Variants in GREB1L observed in about 807,000 individuals in gnomAD.
GREB1L encodes GREB1 like retinoic acid receptor coactivator, also known as GREB1-like protein.
GREB1L carries 17 observed loss-of-function variants against 200.8 expected under a neutral mutation model. The ratio of observed to expected loss-of-function variants is 0.08; its 90% confidence interval spans 0.06 to 0.13. The LOEUF (loss-of-function observed/expected upper bound fraction) is 0.13. Ranked by LOEUF, GREB1L falls within the 10% of genes least tolerant of loss-of-function variation. The pLI is 1.00. For missense variants in GREB1L, 1,657 were observed against 2,367.7 expected, an observed-to-expected ratio of 0.70 and a Z score of 6.23; for synonymous variants, 789 against 893.0, an observed-to-expected ratio of 0.88 and a Z score of 2.08.
rs566468112 is a variant in GREB1L, at chr18:21,459,797, C to T, written c.2182+5234C>T. On this transcript the variant is annotated intron_variant, in intron 15 of 32. Coordinates refer to ENST00000424526, the MANE Select transcript of GREB1L (RefSeq NM_001142966.3). ...TGACTAAGACACAGGGAACAGGTGCCCAGGAAGAATGTACTGGGAAACTGC... is the reference window on the plus strand; with the variant it reads ...TGACTAAGACACAGGGAACAGGTGCTCAGGAAGAATGTACTGGGAAACTGC... Among the ~76,000 whole-genome samples the T allele has an allele frequency of 2.0e-5, 3 of 152,130 alleles. No homozygotes were observed. The South Asian group carries it at 6.2e-4, about 32-fold the overall frequency.
chr18:21,463,139 T>G (rs1598882312), intron 15 of GREB1L, among the ~76,000 whole-genome samples: 1 of 115,010 alleles, frequency 8.7e-6, no homozygotes, highest in East Asian at 2.6e-4. Context: ...TGGTTCTTTT[T>G]TTTTTTTTTT....
At position 21,249,816 on chromosome 18, in the gene GREB1L, C is replaced by T. The variant is rs1435912301; in HGVS notation, c.-120+7423C>T. Among the ~76,000 whole-genome samples, 5 of 150,670 alleles carry T rather than the reference C, an allele frequency of 3.3e-5. No homozygotes were observed. The South Asian group carries it at 6.3e-4, about 19-fold the overall frequency. ...CGGAAGTTGCGGTGAGCTGAGATTG[C>T]GCCATTGCACTCCAGCCTGGCAACA... is the stretch of plus-strand genomic sequence containing the variant. On this transcript the variant is annotated intron_variant, in intron 1 of 32. Transcript: ENST00000424526.
At chr18:21,517,470 T>A (rs2037460751) in intron 30 of GREB1L, among the ~76,000 whole-genome samples, 1 of 152,138 alleles carries the variant, frequency 6.6e-6, no homozygotes, top group African/African-American at 2.4e-5. Flanking sequence ...GCGATTCTCC[T>A]GCCTCAGCCA....
chr18:21,398,914 A>G (rs780356862), intron 5 of GREB1L, among the ~76,000 whole-genome samples: 1 of 152,202 alleles, frequency 6.6e-6, no homozygotes, highest in Non-Finnish European at 1.5e-5. Flanking sequence ...AAGAACTTCA[A>G]GCAGATAAAA....
intron 19 of GREB1L, among the ~76,000 whole-genome samples, chr18:21,492,373 A>C (rs927638241): frequency 2.0e-5 from 3 of 151,834 alleles, no homozygotes; most frequent in African/African-American, 7.3e-5. Flanking sequence ...AAAGAAAAAG[A>C]ATTTGGAAAG....
At chr18:21,437,148 C>G (rs140585922) in intron 7 of GREB1L, among the ~76,000 whole-genome samples, 325 of 152,250 alleles carry the variant, frequency 2.1e-3, no homozygotes, top group African/African-American at 7.7e-3. Context: ...AAGCTGGTTT[C>G]AAACTCCGGG....
intron 7 of GREB1L, among the ~76,000 whole-genome samples, chr18:21,437,808 T>C (rs2033642298): frequency 6.6e-6 from 1 of 152,196 alleles, no homozygotes; most frequent in South Asian, 2.1e-4. Flanking sequence ...TTTTTTGAGT[T>C]CCAATTTGAA....
At chr18:21,498,847 C>T (rs965171725) in intron 21 of GREB1L, among the ~76,000 whole-genome samples, 1 of 152,188 alleles carries the variant, frequency 6.6e-6, no homozygotes, top group Non-Finnish European at 1.5e-5. Context: ...TTAATCATGT[C>T]TTGTTGATGG....
intron 7 of GREB1L, among the ~76,000 whole-genome samples, chr18:21,439,089 C>T (rs9954446): frequency 0.012 from 1,789 of 151,600 alleles, 41 homozygotes; most frequent in African/African-American, 0.041. Context: ...GTGGAGGGGA[C>T]GGAGGTAAGG....
chr18:21,414,215 C>T (rs1362549098), intron 7 of GREB1L, among the ~76,000 whole-genome samples: 2 of 152,042 alleles, frequency 1.3e-5, no homozygotes, highest in Non-Finnish European at 2.9e-5. Flanking sequence ...TAAAAAAGAT[C>T]ATTATGAACC....
intron 1 of GREB1L, among the ~76,000 whole-genome samples, chr18:21,364,268 T>C (rs1291468478): frequency 2.0e-5 from 3 of 152,136 alleles, no homozygotes; most frequent in African/African-American, 4.8e-5. Flanking sequence ...AACCTTCAAC[T>C]TAAGGGGCTC....
At chr18:21,437,263 C>T (rs2033607805) in intron 7 of GREB1L, among the ~76,000 whole-genome samples, 1 of 152,102 alleles carries the variant, frequency 6.6e-6, no homozygotes, top group Non-Finnish European at 1.5e-5. Flanking sequence ...AGGCATCATA[C>T]TTTACACAGC....
chr18:21,333,827 TA>T (rs1156753025), intron 1 of GREB1L, among the ~76,000 whole-genome samples: 1 of 151,294 alleles, frequency 6.6e-6, no homozygotes, highest in African/African-American at 2.4e-5. Flanking sequence ...ACAAAAAATT[TA>T]AAAATTAGCT....
chr18:21,371,348 AC>A (rs2039864273), intron 2 of GREB1L, among the ~76,000 whole-genome samples: 1 of 152,154 alleles, frequency 6.6e-6, no homozygotes. Flanking sequence ...AGCCTTTGGA[AC>A]TTTTACATTA....
intron 27 of GREB1L, among the ~76,000 whole-genome samples, chr18:21,512,807 T>C (rs972357388): frequency 6.6e-6 from 1 of 152,194 alleles, no homozygotes; most frequent in Non-Finnish European, 1.5e-5. Context: ...TTTTCATATA[T>C]GGCCTTTATT....
At chr18:21,328,016 C>T (rs2039049933) in intron 1 of GREB1L, among the ~76,000 whole-genome samples, 1 of 152,128 alleles carries the variant, frequency 6.6e-6, no homozygotes, top group Admixed American at 6.5e-5. Flanking sequence ...GCCCGGCCAA[C>T]CCCAGCCTTT....
chr18:21,385,533 G>A (rs1479091707), intron 4 of GREB1L, among the ~76,000 whole-genome samples: 1 of 152,142 alleles, frequency 6.6e-6, no homozygotes, highest in East Asian at 1.9e-4. Flanking sequence ...GGCCCTGCCT[G>A]TAGCGCATTA....
intron 1 of GREB1L, among the ~76,000 whole-genome samples, chr18:21,349,667 T>C (rs1053165113): frequency 1.3e-5 from 2 of 151,920 alleles, no homozygotes; most frequent in Admixed American, 6.6e-5. Context: ...GTGTGAGGGA[T>C]CTAGGTCGCA....
At chr18:21,489,063 G>A (rs935639943) in intron 18 of GREB1L, among the ~76,000 whole-genome samples, 3 of 152,198 alleles carry the variant, frequency 2.0e-5, no homozygotes, top group Non-Finnish European at 4.4e-5. Context: ...AGCTCTTCAT[G>A]CCTGTAACTG....
Sources: gnomAD v4.1 joint callset for allele counts (sites outside exome capture counted in the v4.1 genomes callset) on GRCh38, gnomAD v4.1.1 for gene constraint, MANE v1.5 for transcripts, NCBI Gene and HGNC (gene_info 2026-07-23, HGNC 2026-07-21) for gene names.